Variants in TMT1A observed in about 807,000 individuals in gnomAD.
TMT1A encodes thiol S-methyltransferase TMT1A.
chr12:50,930,062 G>C, the TMT1A span: 1 of 1,614,092 alleles, frequency 6.2e-7, no homozygotes, highest in Non-Finnish European at 8.5e-7. Flanking sequence ...GAGCGGGCCA[G>C]CTTCTCTAAG....
At chr12:50,929,090 C>T in the TMT1A span, among the ~76,000 whole-genome samples, 3 of 151,872 alleles carry the variant, frequency 2.0e-5, no homozygotes. Flanking sequence ...AAAAAATTAG[C>T]TGGGTGTAGT....
the TMT1A span, chr12:50,930,487 A>G: frequency 1.9e-3 from 324 of 170,450 alleles, 1 homozygote; most frequent in African/African-American, 7.5e-3. Context: ...TACGTTGGCC[A>G]GGCTGGTCTT....
At chr12:50,927,623 G>A in the TMT1A span, among the ~76,000 whole-genome samples, 7 of 152,274 alleles carry the variant, frequency 4.6e-5, no homozygotes, top group East Asian at 1.9e-4. Flanking sequence ...TATCACATTC[G>A]TGATAGTCTT....
At chr12:50,925,334 C>G in the TMT1A span, 269 of 1,614,062 alleles carry the variant, frequency 1.7e-4, no homozygotes, top group Non-Finnish European at 2.1e-4. Context: ...TGTATTGACC[C>G]CAACCCCAAC....
chr12:50,931,089 G>C, the TMT1A span: 1 of 118,622 alleles, frequency 8.4e-6, no homozygotes, highest in Non-Finnish European at 1.7e-5. Context: ...TTTTCCAATT[G>C]CTTTTTTTTT....
At chr12:50,930,274 GTT>G in the TMT1A span, 10,758 of 505,148 alleles carry the variant, frequency 0.021, 1 homozygote, top group South Asian at 0.03. Context: ...TTTGTTGTTG[GTT>G]TTTTTTTTTT....
chr12:50,925,623 T>G, the TMT1A span: 1 of 1,423,632 alleles, frequency 7.0e-7, no homozygotes, highest in East Asian at 2.5e-5. Flanking sequence ...CTGAAACATT[T>G]TAACATAAAA....
chr12:50,929,991 T>C, the TMT1A span: 1 of 1,614,144 alleles, frequency 6.2e-7, no homozygotes, highest in South Asian at 1.1e-5. Context: ...AAGTCCTGGA[T>C]CCTGCCTGGC....
the TMT1A span, among the ~76,000 whole-genome samples, chr12:50,927,957 T>C: frequency 2.0e-5 from 3 of 152,252 alleles, no homozygotes; most frequent in South Asian, 4.1e-4. Context: ...CCCGAGTAGC[T>C]GGGTTTACAG....
the TMT1A span, chr12:50,925,124 G>A: frequency 6.2e-7 from 1 of 1,614,146 alleles, no homozygotes; most frequent in Admixed American, 1.7e-5. Flanking sequence ...GGCTTGTGGA[G>A]CTGGATATGC....
At chr12:50,925,023 T>C in the TMT1A span, 8 of 1,610,878 alleles carry the variant, frequency 5.0e-6, no homozygotes, top group African/African-American at 1.1e-4. Context: ...TGATCTGTTT[T>C]TTTCCCTTCT....
the TMT1A span, chr12:50,925,267 G>T: frequency 6.2e-7 from 1 of 1,614,260 alleles, no homozygotes. Context: ...CCTGCTGGAA[G>T]TGGGCTGTGG....
the TMT1A span, among the ~76,000 whole-genome samples, chr12:50,928,171 T>C: frequency 2.6e-5 from 4 of 152,336 alleles, no homozygotes; most frequent in South Asian, 2.1e-4. Context: ...GTGCTTGTTA[T>C]TGGGGTTTTC....
chr12:50,925,073 T>C, the TMT1A span: 1 of 1,614,166 alleles, frequency 6.2e-7, no homozygotes, highest in Non-Finnish European at 8.5e-7. Flanking sequence ...AGACTGGCCA[T>C]TTACATCCTG....
chr12:50,925,279 A>T, the TMT1A span: 3 of 1,614,186 alleles, frequency 1.9e-6, no homozygotes, highest in Non-Finnish European at 2.5e-6. Context: ...GGGCTGTGGC[A>T]CGGGGGCCAA....
At chr12:50,929,285 G>A in the TMT1A span, among the ~76,000 whole-genome samples, 23 of 152,214 alleles carry the variant, frequency 1.5e-4, no homozygotes, top group South Asian at 4.1e-4. Flanking sequence ...TTTTCTATTC[G>A]TAACATAGGT....
At chr12:50,925,108 T>C in the TMT1A span, 1 of 1,614,222 alleles carries the variant, frequency 6.2e-7, no homozygotes, top group Non-Finnish European at 8.5e-7. Flanking sequence ...CCTGCTGAAC[T>C]TTCTGGGCTT....
chr12:50,926,073 C>CT, the TMT1A span, among the ~76,000 whole-genome samples: 17 of 108,004 alleles, frequency 1.6e-4, no homozygotes, highest in African/African-American at 5.8e-4. Flanking sequence ...GAAAAAAAAA[C>CT]TCCCCAAAAC....
At chr12:50,925,680 G>T in the TMT1A span, 1 of 998,418 alleles carries the variant, frequency 1.0e-6, no homozygotes, top group Non-Finnish European at 1.4e-6. Context: ...ATTTTAGCGT[G>T]GGAGAGAAGC....
Sources: allele counts gnomAD v4.1 joint callset (sites outside exome capture counted in the v4.1 genomes callset), GRCh38; gene constraint gnomAD v4.1.1; transcripts MANE v1.5; gene names NCBI Gene and HGNC (gene_info 2026-07-23, HGNC 2026-07-21).